Variants in CDC37 observed in about 807,000 individuals in gnomAD.
CDC37 encodes cell division cycle 37, HSP90 cochaperone.
Under a neutral mutation model 46.9 loss-of-function variants are expected in CDC37, and 9 were observed. The observed-to-expected ratio is 0.19, with a 90% confidence interval of 0.12 to 0.33. The LOEUF (loss-of-function observed/expected upper bound fraction) is 0.33, where lower values mean the gene tolerates loss of function less well. CDC37 is among the 10% of genes least tolerant of loss of function. The pLI, the probability that CDC37 is intolerant of heterozygous loss-of-function variation, is 1.00. For missense variants in CDC37, 388 were observed against 514.6 expected, an observed-to-expected ratio of 0.75 and a Z score of 2.38; for synonymous variants, 193 against 191.0, an observed-to-expected ratio of 1.01 and a Z score of -0.09.
intron 3 of CDC37, 23 bp downstream of exon 3, chr19:10,395,412 C>T: frequency 6.2e-7 from 1 of 1,608,812 alleles, no homozygotes; most frequent in Middle Eastern, 1.7e-4. Flanking sequence ...CCTTGCCCCC[C>T]ATAACCCACA....
At position 10,391,324 on chromosome 19, in the gene CDC37, T is replaced by C. The variant is rs2145414785; in HGVS notation, c.*227A>G. On this transcript the variant is annotated 3_prime_UTR_variant, in exon 8 of 8. Transcript: ENST00000222005. The stretch of plus-strand genomic sequence containing the variant: ...GACCCCCGGGCCTTTGGCATAATGC[T>C]GATGGGGGGCTGCAGGCAGTGAAGC... 1.8e-6 allele frequency: 1 copy of C among 567,694 alleles called. No individual in the cohort carries two copies. The highest frequency in any genetic ancestry group is 1.9e-5 in the African/African-American group (1 of 53,076). The allele number at this position is 567,694 out of a possible 1,614,324, so 35.2% of individuals were successfully genotyped here.
At chr19:10,402,905 A>G (rs2042527431) in intron 1 of CDC37, among the ~76,000 whole-genome samples, 1 of 151,996 alleles carries the variant, frequency 6.6e-6, no homozygotes, top group Non-Finnish European at 1.5e-5. Context: ...AAGATCCCGG[A>G]AAGTAGATCC....
At chr19:10,400,403 G>C (rs2042512725) in intron 1 of CDC37, among the ~76,000 whole-genome samples, 1 of 151,902 alleles carries the variant, frequency 6.6e-6, no homozygotes, top group African/African-American at 2.4e-5. Flanking sequence ...TTTTTTTTAA[G>C]AGACAAGGTC....
rs989004062 is a variant in CDC37 at position 10,391,218 on chromosome 19, C to T, written c.*333G>A. ...GCAGACGAACAGTGAAAACAGAGCC[C>T]AGTGACGAGAGCCGGCCCCTTGGCT... On this transcript the variant is annotated 3_prime_UTR_variant, in exon 8 of 8. Coordinates refer to ENST00000222005, the MANE Select transcript of CDC37 (RefSeq NM_007065.4). 7 of 369,246 alleles carry T rather than the reference C, an allele frequency of 1.9e-5. No homozygotes were observed. The highest frequency in any genetic ancestry group is 3.5e-5 in the Non-Finnish European group (7 of 198,062). 22.9% of individuals were successfully genotyped at this position (369,246 alleles called of 1,614,324 possible).
intron 2 of CDC37, 25 bp downstream of exon 2, chr19:10,395,903 T>C: frequency 3.2e-6 from 5 of 1,573,924 alleles, no homozygotes; most frequent in Non-Finnish European, 4.4e-6. Flanking sequence ...GCATGCGCAC[T>C]GCCCGCCCCG....
chr19:10,396,346 C>T lies in CDC37; in HGVS notation c.103-143G>A, dbSNP rs989692882. ...CCTGGTCTCCCAGCTTCCGCCCCTG[C>T]GCCCACAGGTGCCAGCGCACACCCA... On this transcript the variant is annotated intron_variant, in intron 1 of 7. Coordinates refer to ENST00000222005, the MANE Select transcript of CDC37 (RefSeq NM_007065.4). This position sits in a 1 kb window ranked among gnomAD's most constrained non-coding sequence, Gnocchi z 5.9. The T allele has an allele frequency of 2.4e-5, 23 of 959,958 alleles. No individual in the cohort carries two copies. The highest frequency in any genetic ancestry group is 3.5e-5 in the Non-Finnish European group (23 of 656,766). 59.5% of individuals were successfully genotyped at this position (959,958 alleles called of 1,614,324 possible).
Position 10,393,423 on chromosome 19 carries a change from T to G in CDC37, c.745A>C (p.Met249Leu). Residue 249 changes from methionine to leucine, a missense_variant, in exon 6 of 8, where the codon ATG (methionine) becomes CTG (leucine). This residue lies in a region of CDC37 where 374 missense variants were observed against 467.4 expected (regional missense o/e 0.80). Coordinates refer to ENST00000222005, the MANE Select transcript of CDC37 (RefSeq NM_007065.4). This position sits in a 1 kb window ranked among gnomAD's most constrained non-coding sequence, Gnocchi z 4.9. ...TKIKTADRQY[M>L]EGFNDELEAF... ...TCCAGCTCGTCGTTGAAGCCCTCCATGTACTGGCGATCGGCTGTCTATGGG... is the reference window on the plus strand; with the variant it reads ...TCCAGCTCGTCGTTGAAGCCCTCCAGGTACTGGCGATCGGCTGTCTATGGG... 1 of 1,612,894 alleles carries G rather than the reference T, an allele frequency of 6.2e-7. No individual in the cohort carries two copies. The highest frequency in any genetic ancestry group is 1.1e-5 in the South Asian group (1 of 90,982).
In CDC37 at chr19:10,395,107, T is replaced by C. The variant is rs147547295; in HGVS notation, c.640A>G (p.Ile214Val). ...AGCTCCAGGATAAATTGCATGACGA[T>C]TGTCTGGTGGGCCACCTGCTCCATG... ...ALMEQVAHQTIVMQFILELAK... is the reference protein window; with the variant it reads ...ALMEQVAHQTVVMQFILELAK... The change falls in exon 5 of 8, where the codon ATC becomes GTC. Residue 214 changes from isoleucine to valine, a missense_variant. Ile to Val is a conservative substitution (Grantham distance 29). This residue lies in a region of CDC37 where 374 missense variants were observed against 467.4 expected (regional missense o/e 0.80). Transcript: ENST00000222005. 11 of 1,578,882 alleles carry C rather than the reference T, an allele frequency of 7.0e-6. No individual in the cohort carries two copies. In the African/African-American group the frequency reaches 1.3e-4, roughly 19 times the overall value.
chr19:10,401,980 C>A (rs532698934), intron 1 of CDC37, among the ~76,000 whole-genome samples: 1 of 151,748 alleles, frequency 6.6e-6, no homozygotes, highest in Non-Finnish European at 1.5e-5. Context: ...CATGGAGAAA[C>A]CCTGTCTCTA....
intron 1 of CDC37, among the ~76,000 whole-genome samples, chr19:10,399,447 G>A (rs991703026): frequency 8.0e-6 from 1 of 125,544 alleles, no homozygotes; most frequent in Admixed American, 9.6e-5. Flanking sequence ...CTGGGCGACA[G>A]AGCATGACCC....
chr19:10,394,720 G>A (rs2145416939), intron 5 of CDC37, among the ~76,000 whole-genome samples: 1 of 151,920 alleles, frequency 6.6e-6, no homozygotes, highest in East Asian at 1.9e-4. Context: ...ATTTTCAGTA[G>A]AGATGAGGTT....
chr19:10,398,045 T>G lies in CDC37; in HGVS notation c.103-1842A>C, dbSNP rs778703237. On this transcript the variant is annotated intron_variant, in intron 1 of 7. Coordinates refer to ENST00000222005, the MANE Select transcript of CDC37 (RefSeq NM_007065.4). This position sits in a 1 kb window ranked among gnomAD's most constrained non-coding sequence, Gnocchi z 4.2. ...TGGAGGCTGCTCTATCCAGAGCCAC[T>G]AATCAAACCCTGAAACCCTGAAACG... 2.0e-5 allele frequency among the ~76,000 whole-genome samples: 3 copies of G among 152,144 alleles called. No individual in the cohort carries two copies. In the East Asian group the frequency reaches 5.8e-4, roughly 29 times the overall value.
In CDC37 at chr19:10,403,397, A is replaced by T; in HGVS notation, c.83T>A (p.Leu28His). 1 of 1,612,890 alleles carries T rather than the reference A, an allele frequency of 6.2e-7. No individual in the cohort carries two copies. The highest frequency in any genetic ancestry group is 8.5e-7 in the Non-Finnish European group (1 of 1,179,770). ...CCTTACCTGATGCCGCCAGCGGAAG[A>T]GACTGGCCGTGTCGATGTTGGGGTG... ...ETHPNIDTASLFRWRHQARVE... is the reference protein window; with the variant it reads ...ETHPNIDTASHFRWRHQARVE... The change falls in exon 1 of 8, where the codon CTC becomes CAC. Residue 28 changes from leucine (L) to histidine (H), a missense_variant. Leu to His is a moderately conservative substitution (Grantham distance 99, BLOSUM62 -3). Coordinates refer to ENST00000222005, the MANE Select transcript of CDC37 (RefSeq NM_007065.4).
chr19:10,395,692 T>C (rs1369212018), intron 2 of CDC37, 149 bp from the exon 3 acceptor site: 2 of 803,814 alleles, frequency 2.5e-6, no homozygotes, highest in Non-Finnish European at 4.2e-6. Context: ...AGCGTGGGCA[T>C]GGGCCTTGGG....
chr19:10,395,881 C>T, intron 2 of CDC37, 47 bp downstream of exon 2: 1 of 1,592,484 alleles, frequency 6.3e-7, no homozygotes, highest in South Asian at 1.1e-5. Flanking sequence ...TGGTTGCAGG[C>T]TCTCTGGCTG....
chr19:10,394,968 G>A, intron 5 of CDC37, 53 bp downstream of exon 5: 1 of 1,507,022 alleles, frequency 6.6e-7, no homozygotes, highest in Non-Finnish European at 8.8e-7. Context: ...AGCATTGTGG[G>A]CTGGTTCCCT....
rs2042456410 is a variant in CDC37 at position 10,391,507 on chromosome 19, C to A, written c.*44G>T. 1 of 1,609,636 alleles carries A rather than the reference C, an allele frequency of 6.2e-7. No homozygotes were observed. Among genetic ancestry groups the A allele is most frequent in the Non-Finnish European group, 8.5e-7 (1 of 1,176,108 alleles). On this transcript the variant is annotated 3_prime_UTR_variant, in exon 8 of 8. Coordinates refer to ENST00000222005, the MANE Select transcript of CDC37 (RefSeq NM_007065.4). ...CATCTATCTGTTTTCTGAAAAGGGG[C>A]ACATAGGGGCCTGGAAGCAGGTGGC...
Position 10,391,724 on chromosome 19 carries a change from G to A in CDC37, c.982-18C>T, listed in dbSNP as rs750452116. The A allele has an allele frequency of 3.1e-6, 5 of 1,607,970 alleles. No homozygotes were observed. In the South Asian group the frequency reaches 3.3e-5, roughly 11 times the overall value. ...TTTGCGTCCTGTGAGGAGAAGGCAG[G>A]CAGATGAGGTGGGGCCGCCAGCCGG... On this transcript the variant is annotated intron_variant, in intron 7 of 7. Transcript: ENST00000222005.
rs373932777 is a variant in CDC37 at position 10,393,333 on chromosome 19, C to T, written c.835G>A (p.Glu279Lys). ...AGCCGCTTCTTGCGCTCCTCCTCCT[C>T]GTACTCCTTCATGGCCTTCTCGATG... The part of the protein sequence containing the change: ...LRIEKAMKEY[E>K]EEERKKRLGP... Residue 279 changes from glutamate (E) to lysine (K), a missense_variant, in exon 6 of 8, where the codon GAG (glutamate) becomes AAG (lysine). Transcript: ENST00000222005. The surrounding 1 kb of genome is among the most constrained non-coding windows in gnomAD (Gnocchi z 4.9). 93 of 1,613,998 alleles carry T rather than the reference C, an allele frequency of 5.8e-5. No individual in the cohort carries two copies. The highest frequency in any genetic ancestry group is 1.1e-4 in the African/African-American group (8 of 74,918).
Sources: gnomAD v4.1 joint callset for allele counts (sites outside exome capture counted in the v4.1 genomes callset) on GRCh38, gnomAD v4.1.1 for gene constraint, gnomAD v4.1.1 regional missense constraint, Gnocchi (gnomAD v3.1) non-coding constraint, MANE v1.5 for transcripts, NCBI Gene and HGNC (gene_info 2026-07-23, HGNC 2026-07-21) for gene names.